HDX: variants seen among roughly 807,000 people sequenced by gnomAD.
The protein encoded by HDX is chromosome X open reading frame 43.
A neutral mutation model predicts 45.2 loss-of-function variants in HDX; 19 were observed. The ratio of observed to expected loss-of-function variants is 0.42; its 90% CI spans 0.29 to 0.62. The LOEUF (loss-of-function observed/expected upper bound fraction) is 0.62. Ranked by LOEUF, HDX falls within the 20% of genes least tolerant of loss-of-function variation. The probability of loss-of-function intolerance (pLI) is 0.20; values close to 1 mark genes in which losing one functional copy is unlikely to be tolerated. For synonymous variants in HDX, 188 were observed against 172.8 expected, an observed-to-expected ratio of 1.09 and a Z score of -0.69; for missense variants, 532 against 493.9, an observed-to-expected ratio of 1.08 and a Z score of -0.73.
chrX:84,431,044 T>C lies in HDX; in HGVS notation c.1305+9488A>G, dbSNP rs2039494520. 2.7e-5 allele frequency among the ~76,000 whole-genome samples: 3 copies of C among 110,676 alleles called. No homozygotes were observed. In the South Asian group the frequency reaches 1.1e-3, roughly 42 times the overall value. On this transcript the variant is annotated intron_variant, in intron 5 of 10. Coordinates refer to ENST00000373177, the MANE Select transcript of HDX (RefSeq NM_001177479.2). The stretch of plus-strand genomic sequence containing the variant: ...CCACCTTCCACCTTCAAGTAGGTAC[T>C]ATTGTCTGTTATCCCTTCTTTTTGT...
At chrX:84,461,327 T>C (rs1265308671) in intron 4 of HDX, among the ~76,000 whole-genome samples, 1 of 110,614 alleles carries the variant, frequency 9.0e-6, no homozygotes, top group Non-Finnish European at 1.9e-5. Context: ...AACATACACA[T>C]AGACAAATGA....
intron 1 of HDX, among the ~76,000 whole-genome samples, chrX:84,492,750 C>CA (rs904801477): frequency 4.6e-5 from 5 of 109,345 alleles, no homozygotes; most frequent in Admixed American, 9.8e-5. Context: ...ATTATGATGG[C>CA]AAAAAAAAGA....
At chrX:84,388,300 A>G (rs1389790656) in intron 5 of HDX, among the ~76,000 whole-genome samples, 1 of 110,025 alleles carries the variant, frequency 9.1e-6, no homozygotes, top group Non-Finnish European at 1.9e-5. Flanking sequence ...GTCATCTTTT[A>G]TAGTATCTAG....
chrX:84,399,146 C>T (rs757735491), intron 5 of HDX, among the ~76,000 whole-genome samples: 1 of 110,367 alleles, frequency 9.1e-6, no homozygotes, highest in South Asian at 3.9e-4. Flanking sequence ...CCTAAGATCA[C>T]AATTAAAAGA....
Position 84,350,478 on chromosome X carries a change from T to C in HDX, c.1453-6021A>G, listed in dbSNP as rs1037309987. The stretch of plus-strand genomic sequence containing the variant: ...TTATTCTTCTTTTGAGAATTTTTAG[T>C]TGTTGCTTCACATATTTTGTAGTTC... On this transcript the variant is annotated intron_variant, in intron 6 of 10. Transcript: ENST00000373177. 2.6e-4 allele frequency among the ~76,000 whole-genome samples: 29 copies of C among 111,780 alleles called. 1 individual carries two copies. In the Admixed American group the frequency reaches 2.7e-3, roughly 10 times the overall value.
intron 3 of HDX, among the ~76,000 whole-genome samples, chrX:84,473,508 T>C (rs1355060954): frequency 2.7e-5 from 3 of 111,182 alleles, no homozygotes; most frequent in Non-Finnish European, 5.7e-5. Context: ...TTTTACACTT[T>C]CTTGTAACAT....
chrX:84,383,976 C>T (rs907403225), intron 5 of HDX, among the ~76,000 whole-genome samples: 1 of 109,900 alleles, frequency 9.1e-6, no homozygotes, highest in Non-Finnish European at 1.9e-5. Context: ...GTGGATTCTA[C>T]GTCTTTACGA....
chrX:84,329,363 G>T (rs2036794749), intron 9 of HDX, among the ~76,000 whole-genome samples: 1 of 111,663 alleles, frequency 9.0e-6, no homozygotes, highest in Non-Finnish European at 1.9e-5. Flanking sequence ...TACATTATTG[G>T]TGAAAGTGTA....
intron 6 of HDX, among the ~76,000 whole-genome samples, chrX:84,344,952 T>C (rs1413302600): frequency 1.8e-5 from 2 of 111,323 alleles, no homozygotes; most frequent in Non-Finnish European, 3.8e-5. Context: ...ACTGGTTCTT[T>C]TTCAAACAGA....
intron 1 of HDX, among the ~76,000 whole-genome samples, chrX:84,490,278 T>C (rs971930952): frequency 1.6e-4 from 18 of 111,725 alleles, no homozygotes; most frequent in Middle Eastern, 4.7e-3. Context: ...ATTTCCTCTT[T>C]ATCCTTGTTT....
chrX:84,475,348 C>T lies in HDX; in HGVS notation c.50G>A (p.Arg17His), dbSNP rs761382416. 4.5e-5 allele frequency: 52 copies of T among 1,161,940 alleles called. No homozygotes were observed. The highest frequency in any genetic ancestry group is 4.1e-5 in the Non-Finnish European group (35 of 856,235). ...ATTTGTCATTCCATTTTCATAATAACGCTGTAAAATCCTTTGTTGTTCTAC... is the reference window on the plus strand; with the variant it reads ...ATTTGTCATTCCATTTTCATAATAATGCTGTAAAATCCTTTGTTGTTCTAC... ...FTVEQQRILQ[R>H]YYENGMTNQS... The change falls in exon 3 of 11, where the codon CGT becomes CAT. Residue 17 changes from arginine to histidine, a missense_variant. Arg to His is a conservative substitution (Grantham distance 29). Around this residue, in one of 3 missense-constraint regions of HDX, gnomAD observed 376 missense variants for 343.7 expected, o/e 1.09. Coordinates refer to ENST00000373177, the MANE Select transcript of HDX (RefSeq NM_001177479.2).
intron 2 of HDX, among the ~76,000 whole-genome samples, chrX:84,487,148 A>T (rs1216334265): frequency 8.9e-6 from 1 of 112,103 alleles, no homozygotes; most frequent in Admixed American, 9.5e-5. Context: ...AAAATTTCAG[A>T]TAATGAATTT....
chrX:84,375,433 G>A (rs971270395), intron 5 of HDX, among the ~76,000 whole-genome samples: 5 of 111,427 alleles, frequency 4.5e-5, no homozygotes, highest in African/African-American at 1.6e-4. Flanking sequence ...CTGCTATAAA[G>A]ACACATGCAC....
At chrX:84,396,691 A>G (rs1455696799) in intron 5 of HDX, among the ~76,000 whole-genome samples, 1 of 111,860 alleles carries the variant, frequency 8.9e-6, no homozygotes, top group Non-Finnish European at 1.9e-5. Flanking sequence ...TGGGAAGGCC[A>G]GTCTCCAGGT....
intron 5 of HDX, among the ~76,000 whole-genome samples, chrX:84,374,617 T>A (rs1350031721): frequency 1.2e-4 from 12 of 101,875 alleles, no homozygotes; most frequent in Admixed American, 9.8e-4. Context: ...GATCTTTGAC[T>A]AACCTGAGAA....
chrX:84,347,156 CTTCT>C (rs1335012821), intron 6 of HDX, among the ~76,000 whole-genome samples: 1 of 109,343 alleles, frequency 9.1e-6, no homozygotes, highest in Admixed American at 9.7e-5. Flanking sequence ...TATTTCCTTC[CTTCT>C]ATTTGCTTTG....
chrX:84,457,928 G>A (rs1569354471), intron 4 of HDX, among the ~76,000 whole-genome samples: 1 of 111,784 alleles, frequency 8.9e-6, no homozygotes, highest in Non-Finnish European at 1.9e-5. Flanking sequence ...TGGGGGAGGG[G>A]AAATTGGAAA....
At chrX:84,375,026 A>G (rs1230625086) in intron 5 of HDX, among the ~76,000 whole-genome samples, 2 of 105,929 alleles carry the variant, frequency 1.9e-5, no homozygotes, top group East Asian at 2.9e-4. Context: ...AGAATCTACA[A>G]TGAACTCAAA....
intron 7 of HDX, 68 bp from the exon 8 acceptor site, chrX:84,336,948 G>A: frequency 1.5e-6 from 1 of 671,458 alleles, no homozygotes; most frequent in Non-Finnish European, 2.2e-6. Context: ...TATTTTCAAG[G>A]TCATTTAAAT....
Sources: gnomAD v4.1 joint callset for allele counts (sites outside exome capture counted in the v4.1 genomes callset) on GRCh38, gnomAD v4.1.1 for gene constraint, gnomAD v4.1.1 regional missense constraint, MANE v1.5 for transcripts, NCBI Gene and HGNC (gene_info 2026-07-23, HGNC 2026-07-21) for gene names.